NDST1: variants seen among roughly 807,000 people sequenced by gnomAD.
NDST1 encodes N-deacetylase and N-sulfotransferase 1.
Under a neutral mutation model 92.8 loss-of-function variants are expected in NDST1, and 35 were observed. The ratio of observed to expected loss-of-function variants is 0.38; its 90% CI spans 0.29 to 0.50. The LOEUF is 0.50. NDST1 is among the 20% of genes least tolerant of loss of function. The pLI, the probability that NDST1 is intolerant of heterozygous loss-of-function variation, is 0.94. For synonymous variants in NDST1, 493 were observed against 500.3 expected (o/e 0.99, Z 0.19); for missense variants, 822 against 1,182.7 (o/e 0.69, Z 4.47).
At chr5:150,526,124 T>A (rs2151275963) in intron 2 of NDST1, among the ~76,000 whole-genome samples, 1 of 152,322 alleles carries the variant, frequency 6.6e-6, no homozygotes, top group East Asian at 1.9e-4. Context: ...GGCCTCTACC[T>A]TTCCCTTTGT....
chr5:150,521,500 C>A lies in NDST1; in HGVS notation c.246C>A (p.Asp82Glu). The change falls in exon 2 of 15, where the codon GAC (aspartate) becomes GAA (glutamate). Residue 82 changes from aspartate (D) to glutamate (E), a missense_variant. Physicochemically the swap from Asp to Glu is conservative, Grantham distance 45 (BLOSUM62 2). Transcript: ENST00000261797. This position sits in a 1 kb window ranked among gnomAD's most constrained non-coding sequence, Gnocchi z 5.9. ...AGGCAGCCACCCCTTCCCGCACAGA[C>A]CCGTTGGTGCTGGTCTTTGTGGAGA... Reference protein sequence around the residue: ...PVQAATPSRTDPLVLVFVESL... With the variant: ...PVQAATPSRTEPLVLVFVESL... 1.2e-6 allele frequency: 2 copies of A among 1,614,050 alleles called. No homozygotes were observed. Among genetic ancestry groups the A allele is most frequent in the Non-Finnish European group, 1.7e-6 (2 of 1,180,026 alleles).
chr5:150,545,187 G>T, intron 10 of NDST1, 125 bp from the exon 11 acceptor site: 1 of 1,126,662 alleles, frequency 8.9e-7, no homozygotes, highest in Non-Finnish European at 1.3e-6. Context: ...TTGTTTGGTT[G>T]GGAGCAAAGC....
chr5:150,545,168 G>A, intron 10 of NDST1, 144 bp from the exon 11 acceptor site: 1 of 924,512 alleles, frequency 1.1e-6, no homozygotes, highest in Non-Finnish European at 1.7e-6. Flanking sequence ...CCCCACTGGA[G>A]GCAAGTCCTT....
rs58921756 is a variant in NDST1, at chr5:150,522,683, G to A, written c.513+916G>A. ...GAGCTGGCATTTCAGTGCTTTGGGA[G>A]TGGGTGGGTGACAGGCAGTGAGCAA... On this transcript the variant is annotated intron_variant, in intron 2 of 14. Transcript: ENST00000261797. 0.012 allele frequency among the ~76,000 whole-genome samples: 1,899 copies of A among 152,296 alleles called. 94 individuals are homozygous for A. The East Asian group carries it at 0.15, about 12-fold the overall frequency.
chr5:150,502,678 T>C (rs1753288601), intron 1 of NDST1, among the ~76,000 whole-genome samples: 1 of 152,122 alleles, frequency 6.6e-6, no homozygotes, highest in Non-Finnish European at 1.5e-5. Context: ...TCTGCAAACC[T>C]CCCTCTGCTT....
chr5:150,536,627 A>G (rs748989598), intron 6 of NDST1, among the ~76,000 whole-genome samples: 81 of 151,422 alleles, frequency 5.3e-4, no homozygotes, highest in Admixed American at 2.3e-3. Flanking sequence ...GTGCAATGGC[A>G]CAATCTCAGC....
intron 3 of NDST1, among the ~76,000 whole-genome samples, chr5:150,530,521 T>C (rs2151282204): frequency 6.6e-6 from 1 of 152,004 alleles, no homozygotes; most frequent in African/African-American, 2.4e-5. Context: ...CTATAAGCCC[T>C]GAATTTCTCT....
At position 150,527,935 on chromosome 5, in the gene NDST1, G is replaced by A; in HGVS notation, c.645G>A (p.Val215=). The A allele has an allele frequency of 1.2e-6, 2 of 1,614,050 alleles. No homozygotes were observed. The highest frequency in any genetic ancestry group is 2.2e-5 in the South Asian group (2 of 91,064). Residue 215 remains valine, a synonymous_variant, in exon 3 of 15, where the codon GTG becomes GTA. Transcript: ENST00000261797. ...TCTACGTGACGCGACCTAGCGAGGT[G>A]GAGAAAGGTGTGCTCCCCGGCGAGG... ...PLLYVTRPSE[V]EKGVLPGEDW...
intron 1 of NDST1, among the ~76,000 whole-genome samples, chr5:150,502,937 G>A (rs1283135427): frequency 6.6e-6 from 1 of 152,102 alleles, no homozygotes; most frequent in African/African-American, 2.4e-5. Context: ...AGGGTGGCAG[G>A]GAGCATTTGA....
At chr5:150,548,516 G>T (rs939139108) in intron 12 of NDST1, 128 bp downstream of exon 12, 1 of 979,374 alleles carries the variant, frequency 1.0e-6, no homozygotes, top group Non-Finnish European at 1.5e-6. Context: ...CTAGACCCTT[G>T]GGTCTATAAA....
At chr5:150,515,939 G>T (rs1382422403) in intron 1 of NDST1, among the ~76,000 whole-genome samples, 1 of 152,248 alleles carries the variant, frequency 6.6e-6, no homozygotes, top group Non-Finnish European at 1.5e-5. Flanking sequence ...CTGGCACTTT[G>T]CTACAAAGCA....
In NDST1 at chr5:150,521,100, C is replaced by T. The variant is rs1031763411; in HGVS notation, c.-155C>T. 2 of 674,428 alleles carry T rather than the reference C, an allele frequency of 3.0e-6. No individual in the cohort carries two copies. The highest frequency in any genetic ancestry group is 3.6e-5 in the African/African-American group (2 of 55,342). The allele number at this position is 674,428 out of a possible 1,614,324, so 41.8% of individuals were successfully genotyped here. A position where few individuals can be genotyped will look rare whatever the true frequency, so the allele number is the denominator to read the frequency against. ...TGGCTGGGAGGAAGGACTGGGGGCC[C>T]AGATCCTCCACTCCCAGTGCCCCAC... On this transcript the variant is annotated 5_prime_UTR_variant, in exon 2 of 15. Coordinates refer to ENST00000261797, the MANE Select transcript of NDST1 (RefSeq NM_001543.5). The surrounding 1 kb of genome is among the most constrained non-coding windows in gnomAD (Gnocchi z 5.9).
chr5:150,532,771 C>T (rs1754803386), intron 3 of NDST1, among the ~76,000 whole-genome samples, 174 bp from the exon 4 acceptor site: 2 of 152,202 alleles, frequency 1.3e-5, no homozygotes, highest in Admixed American at 1.3e-4. Flanking sequence ...AAGTGATCCA[C>T]CCACCTCAGC....
intron 2 of NDST1, among the ~76,000 whole-genome samples, chr5:150,523,725 A>C (rs1754344911): frequency 6.6e-6 from 1 of 152,202 alleles, no homozygotes; most frequent in African/African-American, 2.4e-5. Flanking sequence ...CATTGGGCGT[A>C]ATTGGTACAA....
chr5:150,535,339 A>T, intron 5 of NDST1: 1 of 985,406 alleles, frequency 1.0e-6, no homozygotes, highest in Non-Finnish European at 1.2e-6. Flanking sequence ...AAGCTGGAAG[A>T]GGTGGTCAAT....
chr5:150,517,346 C>T (rs188720893), intron 1 of NDST1, among the ~76,000 whole-genome samples: 37 of 149,916 alleles, frequency 2.5e-4, no homozygotes, highest in Admixed American at 2.5e-3. Context: ...TGCTATATTG[C>T]CCAGGCTGGT....
chr5:150,551,631 T>G, intron 13 of NDST1, 122 bp from the exon 14 acceptor site: 8 of 1,234,366 alleles, frequency 6.5e-6, no homozygotes, highest in Non-Finnish European at 6.9e-6. Flanking sequence ...TGACAGTCCA[T>G]GTGGGTTCAA....
intron 1 of NDST1, among the ~76,000 whole-genome samples, chr5:150,517,301 C>T (rs1754019847): frequency 7.4e-6 from 1 of 134,892 alleles, no homozygotes; most frequent in Non-Finnish European, 1.6e-5. Context: ...TGACACCTGG[C>T]TCATTTTTTT....
chr5:150,528,566 G>A (rs1186833548), intron 3 of NDST1, among the ~76,000 whole-genome samples: 3 of 152,280 alleles, frequency 2.0e-5, no homozygotes, highest in East Asian at 1.9e-4. Context: ...TGAGGTAGGC[G>A]GATCACTTGA....
Sources: allele counts gnomAD v4.1 joint callset (sites outside exome capture counted in the v4.1 genomes callset), GRCh38; gene constraint gnomAD v4.1.1; non-coding constraint Gnocchi (gnomAD v3.1); transcripts MANE v1.5; gene names NCBI Gene and HGNC (gene_info 2026-07-23, HGNC 2026-07-21).